JARID2: variants seen among roughly 807,000 people sequenced by gnomAD.
JARID2 encodes protein Jumonji.
In JARID2, 21 loss-of-function variants were observed where a neutral mutation model predicts 125.6. That is an observed-to-expected ratio of 0.17 (90% CI 0.12 to 0.24). The LOEUF is 0.24. Among genes scored for constraint, JARID2 ranks in the 10% least tolerant of loss-of-function variants. The probability of loss-of-function intolerance (pLI) is 1.00; values close to 1 mark genes in which losing one functional copy is unlikely to be tolerated. For missense variants in JARID2, 1,303 were observed against 1,639.6 expected (o/e 0.79, Z 3.55); for synonymous variants, 736 against 661.6 (o/e 1.11, Z -1.73).
At chr6:15,411,605 C>G (rs1765880522) in intron 3 of JARID2, among the ~76,000 whole-genome samples, 1 of 152,190 alleles carries the variant, frequency 6.6e-6, no homozygotes, top group South Asian at 2.1e-4. Flanking sequence ...TACAGATATT[C>G]CATAACAAAC....
chr6:15,308,735 G>GTCTTTCA (rs1398221533), intron 1 of JARID2, among the ~76,000 whole-genome samples: 1 of 152,204 alleles, frequency 6.6e-6, no homozygotes, highest in African/African-American at 2.4e-5. Flanking sequence ...GAAAAGACAG[G>GTCTTTCA]AATTGTAAAA....
chr6:15,452,544 T>C (rs1258489216), intron 4 of JARID2, among the ~76,000 whole-genome samples: 1 of 152,208 alleles, frequency 6.6e-6, no homozygotes, highest in African/African-American at 2.4e-5. Context: ...TGCAGGACTT[T>C]GGGGCTGTGA....
chr6:15,453,734 G>A (rs1242998609), intron 4 of JARID2, among the ~76,000 whole-genome samples: 1 of 152,118 alleles, frequency 6.6e-6, no homozygotes, highest in Non-Finnish European at 1.5e-5. Flanking sequence ...CGCCTCATCC[G>A]TGGATCCTCA....
intron 8 of JARID2, 84 bp downstream of exon 8, chr6:15,501,493 A>T (rs549127465): frequency 1.3e-5 from 17 of 1,352,572 alleles, no homozygotes; most frequent in Admixed American, 5.2e-5. Flanking sequence ...TATGCACTGG[A>T]CGGTGTGTTC....
At chr6:15,433,393 C>G (rs1278702544) in intron 3 of JARID2, among the ~76,000 whole-genome samples, 1 of 146,940 alleles carries the variant, frequency 6.8e-6, no homozygotes, top group Non-Finnish European at 1.5e-5. Flanking sequence ...TGCCTCCTCC[C>G]CAACCCCCAT....
intron 3 of JARID2, among the ~76,000 whole-genome samples, chr6:15,419,672 A>G (rs1165007299): frequency 6.6e-6 from 1 of 152,222 alleles, no homozygotes; most frequent in Non-Finnish European, 1.5e-5. Context: ...TTTTAGGTTA[A>G]TAGTCATTCA....
chr6:15,488,442 G>C (rs1195539572), intron 6 of JARID2, among the ~76,000 whole-genome samples: 1 of 152,222 alleles, frequency 6.6e-6, no homozygotes, highest in Non-Finnish European at 1.5e-5. Context: ...TTTCCTCACA[G>C]AGTTAAAAAT....
chr6:15,370,668 A>T (rs1277432333), intron 1 of JARID2, among the ~76,000 whole-genome samples: 1 of 152,108 alleles, frequency 6.6e-6, no homozygotes, highest in Non-Finnish European at 1.5e-5. Flanking sequence ...TAGAGCGTTC[A>T]GTACTGGTTG....
chr6:15,345,200 T>C (rs1763204306), intron 1 of JARID2, among the ~76,000 whole-genome samples: 2 of 152,212 alleles, frequency 1.3e-5, no homozygotes, highest in African/African-American at 4.8e-5. Flanking sequence ...AAGTTTCTTG[T>C]CTTTCAAGGT....
At chr6:15,395,906 G>A (rs777064342) in intron 2 of JARID2, among the ~76,000 whole-genome samples, 1 of 152,000 alleles carries the variant, frequency 6.6e-6, no homozygotes, top group Non-Finnish European at 1.5e-5. Context: ...CTTGTGACCT[G>A]CCCGCCTTGG....
chr6:15,377,665 A>G (rs925988349), intron 2 of JARID2, among the ~76,000 whole-genome samples: 3 of 152,004 alleles, frequency 2.0e-5, no homozygotes, highest in Non-Finnish European at 2.9e-5. Flanking sequence ...AAATTATAGT[A>G]ATAATAATAA....
intron 1 of JARID2, among the ~76,000 whole-genome samples, chr6:15,326,110 A>G (rs1237184775): frequency 6.6e-6 from 1 of 152,176 alleles, no homozygotes; most frequent in Non-Finnish European, 1.5e-5. Flanking sequence ...TTGAGTCCTG[A>G]AAATATGCAG....
intron 1 of JARID2, among the ~76,000 whole-genome samples, chr6:15,286,149 G>A (rs780080337): frequency 3.3e-5 from 5 of 152,088 alleles, no homozygotes; most frequent in African/African-American, 4.8e-5. Context: ...GAGTGGCTAA[G>A]TAAGTTAACA....
intron 1 of JARID2, among the ~76,000 whole-genome samples, chr6:15,297,777 C>G (rs1004394268): frequency 9.2e-5 from 14 of 152,120 alleles, no homozygotes; most frequent in Admixed American, 7.9e-4. Context: ...CCACAACACT[C>G]CTGTCAGAGT....
At chr6:15,372,037 C>A (rs1332049169) in intron 1 of JARID2, among the ~76,000 whole-genome samples, 2 of 152,194 alleles carry the variant, frequency 1.3e-5, no homozygotes, top group Non-Finnish European at 2.9e-5. Flanking sequence ...TCTAGGAAAT[C>A]TGTGAAGCTT....
intron 7 of JARID2, among the ~76,000 whole-genome samples, chr6:15,500,306 G>T (rs1037299440): frequency 2.6e-4 from 39 of 152,328 alleles, no homozygotes; most frequent in African/African-American, 7.9e-4. Context: ...CCTCACGCAG[G>T]TGTTGCTCTT....
intron 3 of JARID2, among the ~76,000 whole-genome samples, chr6:15,410,611 A>G (rs927403812): frequency 6.6e-6 from 1 of 152,216 alleles, no homozygotes; most frequent in Admixed American, 6.5e-5. Flanking sequence ...CAGTTAGCCA[A>G]AGAGTTGCCA....
intron 1 of JARID2, among the ~76,000 whole-genome samples, chr6:15,357,774 A>T (rs1561811728): frequency 1.3e-5 from 2 of 152,162 alleles, no homozygotes; most frequent in Admixed American, 6.5e-5. Context: ...CTGTTTCCGG[A>T]TGCTATGTTG....
chr6:15,390,785 T>A (rs1186901374), intron 2 of JARID2, among the ~76,000 whole-genome samples: 2 of 152,150 alleles, frequency 1.3e-5, no homozygotes, highest in African/African-American at 4.8e-5. Flanking sequence ...TCAGGTCCAG[T>A]AGGCCGCAGT....
Sources: gnomAD v4.1 joint callset for allele counts (sites outside exome capture counted in the v4.1 genomes callset) on GRCh38, gnomAD v4.1.1 for gene constraint, MANE v1.5 for transcripts, NCBI Gene and HGNC (gene_info 2026-07-23, HGNC 2026-07-21) for gene names.